BRDT: variants seen among roughly 807,000 people sequenced by gnomAD.
BRDT encodes bromodomain testis associated.
In BRDT, 77 loss-of-function variants were observed where a neutral mutation model predicts 113.9. That is an observed-to-expected ratio of 0.68 (90% confidence interval 0.56 to 0.82). The LOEUF (loss-of-function observed/expected upper bound fraction) is 0.82. Ranked by LOEUF, BRDT falls within the 40% of genes least tolerant of loss-of-function variation. BRDT has a pLI of 0.00. For synonymous variants in BRDT, 358 were observed against 366.5 expected (o/e 0.98, Z 0.26); for missense variants, 1,027 against 1,105.4 (o/e 0.93, Z 1.01).
At chr1:91,983,708 A>G (rs1393246527) in intron 12 of BRDT, among the ~76,000 whole-genome samples, 1 of 143,552 alleles carries the variant, frequency 7.0e-6, no homozygotes, top group Non-Finnish European at 1.5e-5. Context: ...TTTTTTTTTG[A>G]GACGGATTCT....
At chr1:92,011,879 C>G (rs1188259317) in intron 18 of BRDT, among the ~76,000 whole-genome samples, 1 of 152,116 alleles carries the variant, frequency 6.6e-6, no homozygotes, top group African/African-American at 2.4e-5. Flanking sequence ...AGCAGAGTTC[C>G]CAAACGTTTA....
intron 14 of BRDT, 98 bp downstream of exon 14, chr1:91,992,412 C>CAAA (rs55996004): frequency 1.2e-4 from 21 of 180,208 alleles, no homozygotes; most frequent in South Asian, 2.4e-4. Context: ...TGAAGAGAGG[C>CAAA]AAAAAAAAAA....
chr1:91,991,054 C>T, intron 12 of BRDT, 130 bp from the exon 13 acceptor site: 4 of 468,944 alleles, frequency 8.5e-6, no homozygotes, highest in Non-Finnish European at 1.1e-5. Context: ...GCCTCGGCCT[C>T]CCAAAGTGCT....
chr1:91,957,215 C>T (rs879088551), intron 1 of BRDT, among the ~76,000 whole-genome samples: 5 of 152,044 alleles, frequency 3.3e-5, no homozygotes, highest in Admixed American at 2.6e-4. Context: ...TATTTTTGGC[C>T]GGGGGCAGTG....
rs1307329585 is a variant in BRDT, at chr1:91,979,007, A to AC, written c.1099-562_1099-561insC. Among the ~76,000 whole-genome samples the AC allele has an allele frequency of 1.0e-3, 139 of 136,650 alleles. 1 individual carries two copies. Among genetic ancestry groups the AC allele is most frequent in the African/African-American group, 3.0e-3 (110 of 36,750 alleles). 89.6% of individuals were successfully genotyped at this position (136,650 alleles called of 152,430 possible). Reference sequence around the variant, plus strand: ...AGCGAGACTACGTCTCAAAAAAAAAAAAAAAACAACAACAACAACAAAAAA... The same window carrying AC: ...AGCGAGACTACGTCTCAAAAAAAAAACAAAAAACAACAACAACAACAAAAAA... On this transcript the variant is annotated intron_variant, in intron 7 of 18. Coordinates refer to ENST00000399546, the MANE Select transcript of BRDT (RefSeq NM_207189.4).
chr1:92,003,361 A>G (rs187562495), intron 16 of BRDT, among the ~76,000 whole-genome samples: 1 of 152,302 alleles, frequency 6.6e-6, no homozygotes, highest in Non-Finnish European at 1.5e-5. Flanking sequence ...TAAGGAGATA[A>G]TTATTTTTAG....
chr1:91,979,024 AAC>A (rs2101662486), intron 7 of BRDT, among the ~76,000 whole-genome samples: 3 of 147,858 alleles, frequency 2.0e-5, no homozygotes, highest in Non-Finnish European at 4.5e-5. Context: ...CAACAACAAC[AAC>A]AAAAAAAACC....
intron 1 of BRDT, among the ~76,000 whole-genome samples, chr1:91,953,273 C>G (rs932897185): frequency 6.6e-6 from 1 of 152,170 alleles, no homozygotes; most frequent in Non-Finnish European, 1.5e-5. Context: ...TACTTTTGAC[C>G]TCCAGAATCC....
At chr1:92,004,332 C>T in intron 16 of BRDT, 82 bp from the exon 17 acceptor site, 1 of 882,958 alleles carries the variant, frequency 1.1e-6, no homozygotes, top group Non-Finnish European at 1.7e-6. Context: ...AGATCTATTG[C>T]TGTATCATCA....
At chr1:92,002,430 C>G (rs1228860958) in intron 16 of BRDT, among the ~76,000 whole-genome samples, 3 of 152,106 alleles carry the variant, frequency 2.0e-5, no homozygotes, top group Non-Finnish European at 4.4e-5. Context: ...GTGGCACGAT[C>G]TCGGCTCACT....
At chr1:91,971,622 G>A (rs906820460) in intron 4 of BRDT, among the ~76,000 whole-genome samples, 1 of 152,188 alleles carries the variant, frequency 6.6e-6, no homozygotes, top group African/African-American at 2.4e-5. Context: ...ACACTGTTCT[G>A]TGCTCTTGAG....
At chr1:91,968,121 A>G in intron 3 of BRDT, 25 bp from the exon 4 acceptor site, 2 of 1,611,322 alleles carry the variant, frequency 1.2e-6, no homozygotes, top group Admixed American at 3.4e-5. Context: ...GTATATCCTT[A>G]TGGTATATTT....
chr1:91,974,757 T>G (rs1011779454), intron 4 of BRDT, among the ~76,000 whole-genome samples: 2 of 152,188 alleles, frequency 1.3e-5, no homozygotes, highest in African/African-American at 4.8e-5. Context: ...AGAAATACCA[T>G]TTGACCCAGC....
upstream of BRDT, chr1:91,949,380 G>T (rs959165913): frequency 3.9e-5 from 6 of 152,244 alleles, no homozygotes; most frequent in African/African-American, 1.4e-4. Flanking sequence ...CTATAAAAGC[G>T]CCTGTCGCGC....
At chr1:91,987,000 C>T (rs571796558) in intron 12 of BRDT, among the ~76,000 whole-genome samples, 33 of 150,746 alleles carry the variant, frequency 2.2e-4, no homozygotes, top group Non-Finnish European at 4.0e-4. Flanking sequence ...GGCAGTGGCT[C>T]GATCTCAGCT....
chr1:92,011,880 C>G (rs567938141), intron 18 of BRDT, among the ~76,000 whole-genome samples: 28 of 152,294 alleles, frequency 1.8e-4, no homozygotes, highest in Non-Finnish European at 3.7e-4. Context: ...GCAGAGTTCC[C>G]AAACGTTTAC....
At chr1:91,975,057 C>T (rs1353136715) in intron 4 of BRDT, among the ~76,000 whole-genome samples, 1 of 152,036 alleles carries the variant, frequency 6.6e-6, no homozygotes, top group Non-Finnish European at 1.5e-5. Flanking sequence ...CGTATGTTCT[C>T]ACTCATAGGT....
At chr1:91,956,428 C>G (rs1157262937) in intron 1 of BRDT, among the ~76,000 whole-genome samples, 1 of 151,858 alleles carries the variant, frequency 6.6e-6, no homozygotes, top group Non-Finnish European at 1.5e-5. Flanking sequence ...TTAGCACTGT[C>G]CCTTAGAACT....
chr1:91,982,315 C>T (rs1684798569), intron 12 of BRDT, among the ~76,000 whole-genome samples: 1 of 152,044 alleles, frequency 6.6e-6, no homozygotes, highest in Non-Finnish European at 1.5e-5. Flanking sequence ...AATTCAGATT[C>T]TCAGCTATGC....
Sources: gnomAD v4.1 joint callset for allele counts (sites outside exome capture counted in the v4.1 genomes callset) on GRCh38, gnomAD v4.1.1 for gene constraint, MANE v1.5 for transcripts, NCBI Gene and HGNC (gene_info 2026-07-23, HGNC 2026-07-21) for gene names.